BMP6: variants seen among roughly 807,000 people sequenced by gnomAD.
BMP6 encodes the protein bone morphogenetic protein 6, also known as VG-1-R.
BMP6 carries 17 observed loss-of-function variants against 54.1 expected under a neutral mutation model. The observed-to-expected ratio is 0.31, with a 90% CI of 0.22 to 0.47. The LOEUF (loss-of-function observed/expected upper bound fraction) is 0.47. Ranked by LOEUF, BMP6 falls within the 20% of genes least tolerant of loss-of-function variation. The pLI, the probability that BMP6 is intolerant of heterozygous loss-of-function variation, is 1.00. For synonymous variants in BMP6, 328 were observed against 291.2 expected, an observed-to-expected ratio of 1.13 and a Z score of -1.28; for missense variants, 720 against 690.4, an observed-to-expected ratio of 1.04 and a Z score of -0.48.
At chr6:7,738,396 C>A (rs1761994066) in intron 1 of BMP6, among the ~76,000 whole-genome samples, 1 of 152,202 alleles carries the variant, frequency 6.6e-6, no homozygotes, top group South Asian at 2.1e-4. Context: ...GTGGCTCCAG[C>A]TCTCTCTGGT....
At chr6:7,781,442 A>T (rs2113169275) in intron 1 of BMP6, among the ~76,000 whole-genome samples, 1 of 151,704 alleles carries the variant, frequency 6.6e-6, no homozygotes, top group Admixed American at 6.6e-5. Context: ...ATTCAGCCTC[A>T]GCAAGCACAC....
At chr6:7,800,074 G>A (rs918337096) in intron 1 of BMP6, among the ~76,000 whole-genome samples, 1 of 133,722 alleles carries the variant, frequency 7.5e-6, no homozygotes, top group Non-Finnish European at 1.5e-5. Context: ...TACGATAAAG[G>A]AAGGGGTGTG....
intron 1 of BMP6, among the ~76,000 whole-genome samples, chr6:7,832,584 G>A (rs1017325799): frequency 6.6e-6 from 1 of 151,928 alleles, no homozygotes; most frequent in African/African-American, 2.4e-5. Context: ...ATTGCGTATT[G>A]CAAGTAGGTG....
At chr6:7,746,648 G>A (rs1221795366) in intron 1 of BMP6, among the ~76,000 whole-genome samples, 11 of 152,080 alleles carry the variant, frequency 7.2e-5, no homozygotes, top group African/African-American at 1.4e-4. Flanking sequence ...GAAAGGTTAC[G>A]ATTTAAATAG....
intron 4 of BMP6, among the ~76,000 whole-genome samples, chr6:7,870,397 C>A (rs1759505192): frequency 6.6e-6 from 1 of 152,172 alleles, no homozygotes; most frequent in African/African-American, 2.4e-5. Flanking sequence ...GCAAGCCTCC[C>A]TTTGGCAAAG....
At chr6:7,813,658 A>C (rs1758475936) in intron 1 of BMP6, among the ~76,000 whole-genome samples, 2 of 144,720 alleles carry the variant, frequency 1.4e-5, no homozygotes, top group East Asian at 4.0e-4. Context: ...AAAAAAAAAA[A>C]AAAAAAAAAA....
intron 1 of BMP6, among the ~76,000 whole-genome samples, chr6:7,753,434 C>T (rs548576851): frequency 2.6e-5 from 4 of 152,316 alleles, no homozygotes; most frequent in African/African-American, 9.6e-5. Context: ...ATCCCAGGCA[C>T]CTTTAGATTA....
intron 1 of BMP6, among the ~76,000 whole-genome samples, chr6:7,820,150 T>C (rs1230907101): frequency 2.0e-5 from 3 of 152,254 alleles, no homozygotes; most frequent in African/African-American, 7.2e-5. Flanking sequence ...TACAATTTTG[T>C]TTCAGCCTTT....
At chr6:7,809,413 A>G (rs1218997937) in intron 1 of BMP6, among the ~76,000 whole-genome samples, 2 of 152,228 alleles carry the variant, frequency 1.3e-5, no homozygotes, top group Non-Finnish European at 2.9e-5. Context: ...AGGTTTGTGG[A>G]AGATTAGCTG....
chr6:7,816,700 T>A lies in BMP6; in HGVS notation c.665-28440T>A, dbSNP rs563171943. On this transcript the variant is annotated intron_variant, in intron 1 of 6. Coordinates refer to ENST00000283147, the MANE Select transcript of BMP6 (RefSeq NM_001718.6). ...ACTGTGAAAACTAGTTTTACTTGAT[T>A]AAAGTGCACAGCAGAGTATACTTTG... Among the ~76,000 whole-genome samples the A allele has an allele frequency of 1.1e-4, 16 of 152,322 alleles. No individual in the cohort carries two copies. In the South Asian group the frequency reaches 3.1e-3, roughly 30 times the overall value.
rs542527094 is a variant in BMP6 at position 7,860,785 on chromosome 6, G to A, written c.858-666G>A. 1.1e-4 allele frequency among the ~76,000 whole-genome samples: 16 copies of A among 152,284 alleles called. No homozygotes were observed. The South Asian group carries it at 1.2e-3, about 12-fold the overall frequency. ...ATAGTAGATGATTACTTAGGCATGCGATGTGGCTTCTTGTTTCTCCTTATT... is the reference window on the plus strand; with the variant it reads ...ATAGTAGATGATTACTTAGGCATGCAATGTGGCTTCTTGTTTCTCCTTATT... On this transcript the variant is annotated intron_variant, in intron 2 of 6. Coordinates refer to ENST00000283147, the MANE Select transcript of BMP6 (RefSeq NM_001718.6).
intron 1 of BMP6, among the ~76,000 whole-genome samples, chr6:7,808,914 TAAAAA>T (rs70982107): frequency 5.6e-5 from 5 of 89,002 alleles, no homozygotes; most frequent in Non-Finnish European, 1.0e-4. Flanking sequence ...ACCCTGTCTC[TAAAAA>T]AAAAAAAAAA....
intron 1 of BMP6, among the ~76,000 whole-genome samples, chr6:7,809,517 T>C (rs1477293711): frequency 6.6e-6 from 1 of 152,170 alleles, no homozygotes; most frequent in Non-Finnish European, 1.5e-5. Flanking sequence ...TGTGGCTATG[T>C]AGAGGCGGAA....
chr6:7,847,830 T>TA (rs1040452771), intron 2 of BMP6, among the ~76,000 whole-genome samples: 17 of 151,968 alleles, frequency 1.1e-4, no homozygotes, highest in African/African-American at 3.6e-4. Context: ...CAGGTAAGTT[T>TA]AAAAAGAAAA....
In BMP6 at chr6:7,792,302, C is replaced by T. The variant is rs889542318; in HGVS notation, c.665-52838C>T. Among the ~76,000 whole-genome samples the T allele has an allele frequency of 7.2e-5, 11 of 152,336 alleles. No individual in the cohort carries two copies. In the East Asian group the frequency reaches 1.3e-3, roughly 19 times the overall value. On this transcript the variant is annotated intron_variant, in intron 1 of 6. Transcript: ENST00000283147. ...GAGGATATTAACCTCATCTATAAAA[C>T]ACCTTCACAGCAACACCTAGATTAG...
chr6:7,832,445 G>GT (rs1196760377), intron 1 of BMP6, among the ~76,000 whole-genome samples: 2 of 152,070 alleles, frequency 1.3e-5, no homozygotes, highest in Non-Finnish European at 2.9e-5. Context: ...AACCAGGGAA[G>GT]AGGCCCTCAT....
At chr6:7,782,262 G>A (rs1757959732) in intron 1 of BMP6, among the ~76,000 whole-genome samples, 1 of 142,876 alleles carries the variant, frequency 7.0e-6, no homozygotes, top group African/African-American at 2.5e-5. Flanking sequence ...CACCAGATTG[G>A]TGGAGGGAGA....
At chr6:7,872,204 C>T (rs1332592976) in intron 4 of BMP6, among the ~76,000 whole-genome samples, 1 of 151,998 alleles carries the variant, frequency 6.6e-6, no homozygotes, top group Non-Finnish European at 1.5e-5. Flanking sequence ...TTCCACTGGC[C>T]CTCTTCAGCC....
chr6:7,747,749 C>T (rs1490080223), intron 1 of BMP6, among the ~76,000 whole-genome samples: 2 of 152,110 alleles, frequency 1.3e-5, no homozygotes, highest in East Asian at 1.9e-4. Flanking sequence ...CGGGCTCAAG[C>T]GATCCTCTCG....
Sources: gnomAD v4.1 joint callset for allele counts (sites outside exome capture counted in the v4.1 genomes callset) on GRCh38, gnomAD v4.1.1 for gene constraint, MANE v1.5 for transcripts, NCBI Gene and HGNC (gene_info 2026-07-23, HGNC 2026-07-21) for gene names.